Variants in CNIH3 observed in about 807,000 individuals in gnomAD.
CNIH3 encodes protein cornichon homolog 3.
In CNIH3, 14 loss-of-function variants were observed where a neutral mutation model predicts 24.1. The observed-to-expected ratio is 0.58, with a 90% CI of 0.38 to 0.91. CNIH3 has a LOEUF of 0.91. Ranked by LOEUF, CNIH3 falls within the 40% of genes least tolerant of loss-of-function variation. The pLI, the probability that CNIH3 is intolerant of heterozygous loss-of-function variation, is 0.00. For synonymous variants in CNIH3, 68 were observed against 73.8 expected (o/e 0.92, Z 0.40); for missense variants, 178 against 196.8 (o/e 0.90, Z 0.57).
chr1:224,623,342 C>G (rs1426725295), intron 1 of CNIH3, among the ~76,000 whole-genome samples: 1 of 152,226 alleles, frequency 6.6e-6, no homozygotes, highest in South Asian at 2.1e-4. Flanking sequence ...TCCTCTGTTT[C>G]CTGTCGCTCC....
At chr1:224,688,877 A>G (rs1046443823) in intron 3 of CNIH3, among the ~76,000 whole-genome samples, 2 of 151,052 alleles carry the variant, frequency 1.3e-5, no homozygotes, top group Non-Finnish European at 2.9e-5. Flanking sequence ...GTGAGCCGAG[A>G]TCGCGCCATT....
At chr1:224,691,701 G>A (rs374274737) in intron 3 of CNIH3, among the ~76,000 whole-genome samples, 1 of 152,182 alleles carries the variant, frequency 6.6e-6, no homozygotes, top group South Asian at 2.1e-4. Flanking sequence ...CCTGACATGC[G>A]TAGATGTAAA....
rs962732664 is a variant in CNIH3 at position 224,684,143 on chromosome 1, C to T, written c.151-653C>T. On this transcript the variant is annotated intron_variant, in intron 2 of 5. Transcript: ENST00000272133. The surrounding 1 kb of genome is among the most constrained non-coding windows in gnomAD (Gnocchi z 4.2). ...AGTCACTGAAGGAAAAGGGAGGCAA[C>T]GGCATTTAGTGCACGATGCGGGCAT... Among the ~76,000 whole-genome samples the T allele has an allele frequency of 9.9e-5, 15 of 152,184 alleles. No individual in the cohort carries two copies. Among genetic ancestry groups the T allele is most frequent in the African/African-American group, 3.1e-4 (13 of 41,444 alleles).
At chr1:224,668,558 C>T (rs1214398266) in intron 1 of CNIH3, among the ~76,000 whole-genome samples, 2 of 152,132 alleles carry the variant, frequency 1.3e-5, no homozygotes, top group East Asian at 1.9e-4. Flanking sequence ...CTTTCTGATG[C>T]ACATCCACAC....
chr1:224,455,152 T>C (rs11590658), intron 1 of CNIH3, among the ~76,000 whole-genome samples: 27,833 of 152,082 alleles, frequency 0.18, 2,802 homozygotes, highest in Middle Eastern at 0.23. Context: ...TATAATAATG[T>C]CGAATATTAT....
intron 1 of CNIH3, among the ~76,000 whole-genome samples, chr1:224,504,170 G>A (rs1278567546): frequency 6.6e-6 from 1 of 152,174 alleles, no homozygotes; most frequent in Non-Finnish European, 1.5e-5. Context: ...CCCTACTGTT[G>A]CCACATGTTA....
At chr1:224,693,029 C>G (rs1050015554) in intron 3 of CNIH3, among the ~76,000 whole-genome samples, 1 of 152,182 alleles carries the variant, frequency 6.6e-6, no homozygotes, top group Non-Finnish European at 1.5e-5. Context: ...GTAGTTCACC[C>G]CTGGAGGGAA....
In CNIH3 at chr1:224,730,604, C is replaced by T. The variant is rs116623954; in HGVS notation, c.311+30C>T. Reference sequence around the variant, plus strand: ...GTCAGACTGGGACTGGTATATCCTTCGTCTTTTCTGCCAGGGCAGCCTGCT... The same window carrying T: ...GTCAGACTGGGACTGGTATATCCTTTGTCTTTTCTGCCAGGGCAGCCTGCT... On this transcript the variant is annotated intron_variant, in intron 4 of 5. Coordinates refer to ENST00000272133, the MANE Select transcript of CNIH3 (RefSeq NM_152495.2). 8,226 of 1,393,118 alleles carry T rather than the reference C, an allele frequency of 5.9e-3. 79 individuals carry two copies. Among genetic ancestry groups the T allele is most frequent in the South Asian group, 0.028 (2,270 of 80,436 alleles). The allele number at this position is 1,393,118 out of a possible 1,614,324, so 86.3% of individuals were successfully genotyped here.
At position 224,616,779 on chromosome 1, in the gene CNIH3, T is replaced by A. The variant is rs1282008949; in HGVS notation, c.-396T>A. 9.6e-7 allele frequency: 1 copy of A among 1,039,674 alleles called. No individual in the cohort carries two copies. Among genetic ancestry groups the A allele is most frequent in the Admixed American group, 5.1e-5 (1 of 19,590 alleles). The allele number at this position is 1,039,674 out of a possible 1,614,324, so 64.4% of individuals were successfully genotyped here. A position where few individuals can be genotyped will look rare whatever the true frequency, so the allele number is the denominator to read the frequency against. Reference sequence around the variant, plus strand: ...TTAGTGGAGAAAAGCAGAGAGCTCTTCCTGGGGCGAATGGGACCTCCTCCC... The same window carrying A: ...TTAGTGGAGAAAAGCAGAGAGCTCTACCTGGGGCGAATGGGACCTCCTCCC... On this transcript the variant is annotated 5_prime_UTR_variant, in exon 1 of 6. Transcript: ENST00000272133.
intron 3 of CNIH3, among the ~76,000 whole-genome samples, chr1:224,705,621 C>G (rs1331015356): frequency 6.6e-6 from 1 of 152,164 alleles, no homozygotes; most frequent in Admixed American, 6.5e-5. Flanking sequence ...CTTGAGCAAC[C>G]TCACAGAGGA....
chr1:224,732,083 A>G (rs1306632293), intron 4 of CNIH3, among the ~76,000 whole-genome samples: 1 of 152,222 alleles, frequency 6.6e-6, no homozygotes, highest in African/African-American at 2.4e-5. Context: ...GAAGCAGTGT[A>G]AAGGATGGGT....
intron 2 of CNIH3, among the ~76,000 whole-genome samples, chr1:224,528,073 G>A (rs929692910): frequency 6.6e-6 from 1 of 151,994 alleles, no homozygotes; most frequent in African/African-American, 2.4e-5. Context: ...ACCAGAGTGG[G>A]CAACATGGCA....
chr1:224,461,607 C>T (rs1675915497), intron 1 of CNIH3, among the ~76,000 whole-genome samples: 1 of 152,132 alleles, frequency 6.6e-6, no homozygotes, highest in South Asian at 2.1e-4. Context: ...TCTTCAGTTA[C>T]CATAGTGATT....
At chr1:224,494,644 G>A (rs1017164394) in intron 1 of CNIH3, among the ~76,000 whole-genome samples, 10 of 151,980 alleles carry the variant, frequency 6.6e-5, no homozygotes, top group African/African-American at 2.4e-4. Flanking sequence ...GTTCTTTCGG[G>A]GTTCCTTTTG....
intron 3 of CNIH3, among the ~76,000 whole-genome samples, chr1:224,552,488 G>A (rs1558152998): frequency 1.3e-5 from 2 of 151,502 alleles, no homozygotes; most frequent in South Asian, 2.1e-4. Context: ...ATCACAGGGT[G>A]TACACCCACT....
Position 224,739,508 on chromosome 1 carries a change from G to A in CNIH3, c.*152G>A, listed in dbSNP as rs1413680588. The A allele has an allele frequency of 1.6e-5, 23 of 1,423,876 alleles. No individual in the cohort carries two copies. Among genetic ancestry groups the A allele is most frequent in the African/African-American group, 2.9e-5 (2 of 69,478 alleles). The allele number at this position is 1,423,876 out of a possible 1,614,324, so 88.2% of individuals were successfully genotyped here. ...CAGACTGAATGGGAGCTGGAATCAC[G>A]CAGCAGCTGGGAGCCGAGTTAACCC... On this transcript the variant is annotated 3_prime_UTR_variant, in exon 6 of 6. Coordinates refer to ENST00000272133, the MANE Select transcript of CNIH3 (RefSeq NM_152495.2).
At chr1:224,648,782 A>G (rs1037493877) in intron 1 of CNIH3, among the ~76,000 whole-genome samples, 1 of 152,180 alleles carries the variant, frequency 6.6e-6, no homozygotes, top group African/African-American at 2.4e-5. Context: ...AGTAAGCAAG[A>G]TCTAGTCTGC....
At chr1:224,579,317 A>T (rs1255361310) in intron 4 of CNIH3, among the ~76,000 whole-genome samples, 4 of 152,202 alleles carry the variant, frequency 2.6e-5, no homozygotes, top group Non-Finnish European at 2.9e-5. Flanking sequence ...AATGAGTCTC[A>T]GCCCATTGTA....
chr1:224,533,296 A>T (rs1179818901), intron 2 of CNIH3, among the ~76,000 whole-genome samples: 1 of 151,120 alleles, frequency 6.6e-6, no homozygotes. Flanking sequence ...GCGCCCTTAT[A>T]TTCCTAGCTA....
Sources: gnomAD v4.1 joint callset for allele counts (sites outside exome capture counted in the v4.1 genomes callset) on GRCh38, gnomAD v4.1.1 for gene constraint, Gnocchi (gnomAD v3.1) non-coding constraint, MANE v1.5 for transcripts, NCBI Gene and HGNC (gene_info 2026-07-23, HGNC 2026-07-21) for gene names.